Variants in LEMD1 observed in about 807,000 individuals in gnomAD.
LEMD1 encodes the protein LEM domain containing 1.
A neutral mutation model predicts 17.4 loss-of-function variants in LEMD1; 18 were observed. The observed-to-expected ratio is 1.04, with a 90% CI of 0.72 to 1.54. LEMD1 has a LOEUF of 1.54. Among genes scored for constraint, LEMD1 ranks in the 40% most tolerant of loss-of-function variants. The pLI is 0.00. For missense variants in LEMD1, 195 were observed against 210.4 expected (o/e 0.93, Z 0.45); for synonymous variants, 88 against 77.8 (o/e 1.13, Z -0.69).
intron 1 of LEMD1, among the ~76,000 whole-genome samples, chr1:205,439,976 G>A (rs1250335628): frequency 6.6e-6 from 1 of 152,066 alleles, no homozygotes; most frequent in Non-Finnish European, 1.5e-5. Context: ...TGGGGGATGA[G>A]GGAAAAAGTC....
chr1:205,445,613 G>T (rs1254957650), intron 1 of LEMD1, among the ~76,000 whole-genome samples: 2 of 152,220 alleles, frequency 1.3e-5, no homozygotes, highest in East Asian at 3.9e-4. Flanking sequence ...GACTGCAAGG[G>T]CAGCCAAGCA....
chr1:205,434,500 G>T (rs945191167), intron 1 of LEMD1, among the ~76,000 whole-genome samples: 2 of 151,924 alleles, frequency 1.3e-5, no homozygotes, highest in African/African-American at 4.8e-5. Context: ...TTTCTTAAAA[G>T]CACCTTTAAG....
rs564026740 is a variant in LEMD1 at position 205,421,606 on chromosome 1, T to C, written c.-39+384A>G. ...TACCTAGTTTGACAGTTCTCTACTT[T>C]AAAGCCATGCTTTAAAGAGAGTTAC... On this transcript the variant is annotated intron_variant, in intron 1 of 5. Coordinates refer to ENST00000367153, the MANE Select transcript of LEMD1 (RefSeq NM_001199050.2). Among the ~76,000 whole-genome samples the C allele has an allele frequency of 7.2e-5, 11 of 152,354 alleles. No homozygotes were observed. In the South Asian group the frequency reaches 1.0e-3, roughly 14 times the overall value.
Position 205,384,357 on chromosome 1 carries a change from T to C in LEMD1, c.278A>G (p.Glu93Gly). 6.6e-7 allele frequency: 1 copy of C among 1,513,606 alleles called. No homozygotes were observed. The highest frequency in any genetic ancestry group is 1.4e-5 in the African/African-American group (1 of 71,284). 93.8% of individuals were successfully genotyped at this position (1,513,606 alleles called of 1,614,324 possible). ...EKSKKLKKWP[E>G]ASTTKRKAVD... The stretch of plus-strand genomic sequence containing the variant: ...AGCTTTGCGTTTAGTGGTGGAAGCC[T>C]CAGGCCACTGATAAACAGAAAGAAA... Residue 93 changes from glutamate to glycine, a missense_variant, in exon 5 of 6, where the codon GAG becomes GGG. Physicochemically the swap from Glu to Gly is moderately conservative, Grantham distance 98. Coordinates refer to ENST00000367153, the MANE Select transcript of LEMD1 (RefSeq NM_001199050.2).
intron 4 of LEMD1, among the ~76,000 whole-genome samples, chr1:205,403,925 G>T: frequency 6.6e-6 from 1 of 152,040 alleles, no homozygotes; most frequent in Non-Finnish European, 1.5e-5. Context: ...TGGTTTCAAA[G>T]AACATCTTTA....
At chr1:205,402,642 G>A (rs1055876883) in intron 4 of LEMD1, among the ~76,000 whole-genome samples, 1 of 152,154 alleles carries the variant, frequency 6.6e-6, no homozygotes, top group Non-Finnish European at 1.5e-5. Flanking sequence ...CATGTCGTCT[G>A]CAAACAGGGA....
upstream of LEMD1, among the ~76,000 whole-genome samples, chr1:205,424,219 C>T (rs902128277): frequency 9.9e-5 from 15 of 152,220 alleles, no homozygotes; most frequent in African/African-American, 3.6e-4. Context: ...GCCCGCATCA[C>T]TCATCATTCT....
chr1:205,386,607 G>T (rs1422007872), intron 4 of LEMD1: 1 of 152,308 alleles, frequency 6.6e-6, no homozygotes, highest in Non-Finnish European at 1.5e-5. Context: ...CCCGGCCCCT[G>T]TGCCCCCCTT....
chr1:205,400,247 GA>G (rs1664778643), intron 4 of LEMD1, among the ~76,000 whole-genome samples: 3 of 152,108 alleles, frequency 2.0e-5, no homozygotes. Flanking sequence ...TTTTTTTGTA[GA>G]GAAGAGGTCT....
chr1:205,404,108 A>T (rs925261129), intron 4 of LEMD1, among the ~76,000 whole-genome samples: 1 of 148,660 alleles, frequency 6.7e-6, no homozygotes, highest in Non-Finnish European at 1.5e-5. Context: ...TGCTGAGGAG[A>T]GCTTTACTTC....
intron 3 of LEMD1, among the ~76,000 whole-genome samples, chr1:205,418,210 T>G (rs1665786651): frequency 6.6e-6 from 1 of 152,196 alleles, no homozygotes. Flanking sequence ...CTGGTGGCCT[T>G]CAATAAATGG....
At chr1:205,393,423 C>T (rs974268455) in intron 4 of LEMD1, among the ~76,000 whole-genome samples, 17 of 151,838 alleles carry the variant, frequency 1.1e-4, no homozygotes, top group African/African-American at 4.1e-4. Context: ...CACCTGTAAT[C>T]CCAGCACTTT....
chr1:205,421,118 C>G (rs1001023822), intron 1 of LEMD1, among the ~76,000 whole-genome samples: 1 of 152,136 alleles, frequency 6.6e-6, no homozygotes, highest in Non-Finnish European at 1.5e-5. Flanking sequence ...TAACCACCAA[C>G]AGACTTAGTA....
intron 1 of LEMD1, among the ~76,000 whole-genome samples, chr1:205,439,531 C>T (rs1379335164): frequency 1.3e-5 from 2 of 152,310 alleles, no homozygotes; most frequent in Non-Finnish European, 1.5e-5. Flanking sequence ...GCGAACCAGC[C>T]GAGGAAGACT....
chr1:205,443,798 G>C (rs925731732), intron 1 of LEMD1, among the ~76,000 whole-genome samples: 11 of 152,182 alleles, frequency 7.2e-5, no homozygotes, highest in African/African-American at 2.4e-4. Context: ...CCCCTGAAGT[G>C]GGGGGACATG....
At chr1:205,383,319 TC>T (rs1321769508) in intron 5 of LEMD1, among the ~76,000 whole-genome samples, 2 of 152,194 alleles carry the variant, frequency 1.3e-5, no homozygotes, top group African/African-American at 4.8e-5. Flanking sequence ...GATCTCAAAC[TC>T]CTGGCCTCAA....
At position 205,381,531 on chromosome 1, in the gene LEMD1, A is replaced by G; in HGVS notation, c.*127T>C. 2 of 867,824 alleles carry G rather than the reference A, an allele frequency of 2.3e-6. No individual in the cohort carries two copies. The highest frequency in any genetic ancestry group is 2.4e-5 in the East Asian group (1 of 41,232). 53.8% of individuals were successfully genotyped at this position (867,824 alleles called of 1,614,324 possible). A position where few individuals can be genotyped will look rare whatever the true frequency, so the allele number is the denominator to read the frequency against. On this transcript the variant is annotated 3_prime_UTR_variant, in exon 6 of 6. Transcript: ENST00000367153. Reference sequence around the variant, plus strand: ...AGCCCAGACACCGATCTGTGAGAGCAGCACAGTGCAAGGGAAGGCTCCCTG... The same window carrying G: ...AGCCCAGACACCGATCTGTGAGAGCGGCACAGTGCAAGGGAAGGCTCCCTG...
chr1:205,417,617 C>T (rs924046771), intron 3 of LEMD1, among the ~76,000 whole-genome samples: 3 of 151,716 alleles, frequency 2.0e-5, no homozygotes, highest in African/African-American at 7.3e-5. Context: ...GTGCTAACTG[C>T]CTGCTCAAGG....
intron 4 of LEMD1, among the ~76,000 whole-genome samples, chr1:205,415,346 C>T (rs140877241): frequency 3.9e-4 from 60 of 152,170 alleles, no homozygotes; most frequent in African/African-American, 1.1e-3. Context: ...AGGAGAGAAG[C>T]GTGTGTGGGG....
Sources: gnomAD v4.1 joint callset for allele counts (sites outside exome capture counted in the v4.1 genomes callset) on GRCh38, gnomAD v4.1.1 for gene constraint, MANE v1.5 for transcripts, NCBI Gene and HGNC (gene_info 2026-07-23, HGNC 2026-07-21) for gene names.